The following GAREM1 variants were observed in gnomAD, a reference collection of about 807,000 sequenced individuals.
GAREM1 encodes GRB2 associated regulator of MAPK1 subtype 1, also known as GRB2-associated and regulator of MAPK protein 1.
In GAREM1, 26 loss-of-function variants were observed where a neutral mutation model predicts 71.3. The ratio of observed to expected loss-of-function variants is 0.36; its 90% CI spans 0.27 to 0.51. The LOEUF is 0.51. GAREM1 is among the 20% of genes least tolerant of loss of function. GAREM1 has a pLI of 0.95. For missense variants in GAREM1, 1,026 were observed against 1,103.1 expected (o/e 0.93, Z 0.99); for synonymous variants, 440 against 433.2 (o/e 1.02, Z -0.20).
In GAREM1 at chr18:32,303,495, C is replaced by T. The variant is rs576448230; in HGVS notation, c.393+6698G>A. 5.3e-5 allele frequency among the ~76,000 whole-genome samples: 8 copies of T among 152,202 alleles called. No individual in the cohort carries two copies. The East Asian group carries it at 9.6e-4, about 18-fold the overall frequency. On this transcript the variant is annotated intron_variant, in intron 3 of 5. Transcript: ENST00000269209. ...AGGCTGGAAGACATTTAAAATAATT[C>T]GTAGTTATTAGTGTAGTAAGGTCTC... is the stretch of plus-strand genomic sequence containing the variant.
chr18:32,402,396 C>T (rs2048323222), intron 1 of GAREM1, among the ~76,000 whole-genome samples: 1 of 152,068 alleles, frequency 6.6e-6, no homozygotes, highest in Admixed American at 6.6e-5. Flanking sequence ...TCCATGAAAC[C>T]TTCAAAGTTA....
chr18:32,293,857 T>C (rs964412797), intron 3 of GAREM1, among the ~76,000 whole-genome samples: 3 of 152,202 alleles, frequency 2.0e-5, no homozygotes, highest in Non-Finnish European at 2.9e-5. Context: ...ATGACCTCGC[T>C]TATGTACCAT....
chr18:32,385,946 T>C (rs1224924208), intron 2 of GAREM1, among the ~76,000 whole-genome samples: 2 of 152,182 alleles, frequency 1.3e-5, no homozygotes, highest in African/African-American at 4.8e-5. Context: ...CAAGAAATGG[T>C]AAGCACTAAA....
At chr18:32,424,486 A>C (rs2048554129) in intron 1 of GAREM1, among the ~76,000 whole-genome samples, 1 of 152,198 alleles carries the variant, frequency 6.6e-6, no homozygotes, top group African/African-American at 2.4e-5. Flanking sequence ...TCATGACTAT[A>C]TTCCCGGTTG....
chr18:32,418,674 A>G (rs962805883), intron 1 of GAREM1, among the ~76,000 whole-genome samples: 1 of 152,200 alleles, frequency 6.6e-6, no homozygotes, highest in African/African-American at 2.4e-5. Context: ...TCATAATACA[A>G]TAGAACCAAT....
chr18:32,270,149 C>T lies in GAREM1; in HGVS notation c.1733+68G>A, dbSNP rs961301552. On this transcript the variant is annotated intron_variant, in intron 5 of 5. Transcript: ENST00000269209. ...GCCTGTTAGGGCTACCGTGAAAATG[C>T]TTTCAAGAACCCATGAACTGGTGGA... 24 of 1,517,994 alleles carry T rather than the reference C, an allele frequency of 1.6e-5. No homozygotes were observed. The Middle Eastern group carries it at 5.1e-4, about 32-fold the overall frequency. The allele number at this position is 1,517,994 out of a possible 1,614,324, so 94.0% of individuals were successfully genotyped here.
chr18:32,270,410 T>G (rs1303085698), intron 4 of GAREM1, 27 bp from the exon 5 acceptor site: 1 of 1,587,106 alleles, frequency 6.3e-7, no homozygotes, highest in South Asian at 1.1e-5. Flanking sequence ...CACTCCAGGT[T>G]AGCAACAGAC....
intron 3 of GAREM1, among the ~76,000 whole-genome samples, chr18:32,298,678 G>C (rs1380996134): frequency 3.9e-5 from 6 of 152,102 alleles, no homozygotes; most frequent in African/African-American, 1.4e-4. Flanking sequence ...CTGTCTGAAG[G>C]TTCTGGCAAT....
chr18:32,451,520 C>T (rs1295505542), intron 1 of GAREM1, among the ~76,000 whole-genome samples: 1 of 152,176 alleles, frequency 6.6e-6, no homozygotes. Flanking sequence ...TAATGCTTCC[C>T]TCTTCCTCAT....
intron 2 of GAREM1, among the ~76,000 whole-genome samples, chr18:32,334,646 C>G (rs1371155541): frequency 6.6e-6 from 1 of 152,210 alleles, no homozygotes; most frequent in Non-Finnish European, 1.5e-5. Context: ...CCTGACACGG[C>G]ATAACCTATT....
chr18:32,304,650 G>C (rs1174814188), intron 3 of GAREM1, among the ~76,000 whole-genome samples: 1 of 152,152 alleles, frequency 6.6e-6, no homozygotes, highest in Non-Finnish European at 1.5e-5. Context: ...CAAAGTACTT[G>C]AGTGTATTAC....
intron 2 of GAREM1, among the ~76,000 whole-genome samples, chr18:32,362,973 A>G (rs2047881069): frequency 6.6e-6 from 1 of 152,188 alleles, no homozygotes; most frequent in African/African-American, 2.4e-5. Flanking sequence ...AATTTAATTT[A>G]TATACCTTTA....
At chr18:32,444,197 G>A (rs2048766612) in intron 1 of GAREM1, among the ~76,000 whole-genome samples, 1 of 152,144 alleles carries the variant, frequency 6.6e-6, no homozygotes. Context: ...AAATGGTGAT[G>A]GTTGCACAAC....
rs1292212274 is a variant in GAREM1 at position 32,392,991 on chromosome 18, G to C, written c.166C>G (p.His56Asp). The C allele has an allele frequency of 6.2e-7, 1 of 1,613,798 alleles. No homozygotes were observed. The change falls in exon 2 of 6, where the codon CAT becomes GAT. Residue 56 changes from histidine to aspartate, a missense_variant. His to Asp is a moderately conservative substitution (Grantham distance 81). Transcript: ENST00000269209. ...GLRENDYLLI[H>D]SCRQWTTITA... ...ATGGTGGTCCACTGGCGGCAGGAAT[G>C]AATCAGCAGATAGTCATTTTCCCGC... is the stretch of plus-strand genomic sequence containing the variant.
chr18:32,314,183 C>A (rs1274051355), intron 2 of GAREM1, among the ~76,000 whole-genome samples: 3 of 151,832 alleles, frequency 2.0e-5, no homozygotes, highest in South Asian at 2.1e-4. Flanking sequence ...TCTATTCCTA[C>A]CTGGTCCATG....
At chr18:32,301,617 G>A (rs1480355780) in intron 3 of GAREM1, among the ~76,000 whole-genome samples, 1 of 152,214 alleles carries the variant, frequency 6.6e-6, no homozygotes, top group African/African-American at 2.4e-5. Context: ...GGGCTCAGCA[G>A]CACCAACTAG....
At chr18:32,430,903 A>AT (rs2048618213) in intron 1 of GAREM1, among the ~76,000 whole-genome samples, 1 of 152,154 alleles carries the variant, frequency 6.6e-6, no homozygotes, top group Admixed American at 6.5e-5. Flanking sequence ...TAAAGCTTTG[A>AT]TTTTTTTGGC....
chr18:32,455,029 G>A (rs372945625), intron 1 of GAREM1, among the ~76,000 whole-genome samples: 1 of 152,098 alleles, frequency 6.6e-6, no homozygotes, highest in Non-Finnish European at 1.5e-5. Context: ...TTTTAAACAC[G>A]CACAACTCCA....
intron 1 of GAREM1, among the ~76,000 whole-genome samples, chr18:32,451,631 C>G (rs998339585): frequency 6.6e-6 from 1 of 152,150 alleles, no homozygotes; most frequent in Non-Finnish European, 1.5e-5. Context: ...GCCTAGAGGC[C>G]CTCTTTCTCT....
Sources: allele counts gnomAD v4.1 joint callset (sites outside exome capture counted in the v4.1 genomes callset), GRCh38; gene constraint gnomAD v4.1.1; transcripts MANE v1.5; gene names NCBI Gene and HGNC (gene_info 2026-07-23, HGNC 2026-07-21).